Variants in PTPRD observed in about 807,000 individuals in gnomAD.
PTPRD encodes protein tyrosine phosphatase receptor type D.
A neutral mutation model predicts 214.5 loss-of-function variants in PTPRD; 34 were observed. The observed-to-expected ratio is 0.16, with a 90% CI of 0.12 to 0.21. The LOEUF is 0.21. Among genes scored for constraint, PTPRD ranks in the 10% least tolerant of loss-of-function variants. The probability of loss-of-function intolerance (pLI) is 1.00; values close to 1 mark genes in which losing one functional copy is unlikely to be tolerated. For synonymous variants in PTPRD, 1,128 were observed against 845.7 expected (o/e 1.33, Z -5.79); for missense variants, 2,545 against 2,398.7 (o/e 1.06, Z -1.27).
chr9:9,925,205 TAG>T (rs1251892987), intron 5 of PTPRD, among the ~76,000 whole-genome samples: 2 of 152,136 alleles, frequency 1.3e-5, no homozygotes, highest in African/African-American at 4.8e-5. Flanking sequence ...TATACTACTG[TAG>T]AGAGGCAGTA....
At chr9:10,390,820 T>A (rs2098046725) in intron 2 of PTPRD, among the ~76,000 whole-genome samples, 1 of 151,796 alleles carries the variant, frequency 6.6e-6, no homozygotes, top group African/African-American at 2.4e-5. Context: ...GACTTGAGCC[T>A]AAACTTATTT....
chr9:8,526,677 G>T, intron 16 of PTPRD, 33 bp from the exon 17 acceptor site: 1 of 1,562,396 alleles, frequency 6.4e-7, no homozygotes, highest in Non-Finnish European at 8.7e-7. Context: ...AATAAGATTA[G>T]AAAGAAGAAG....
At chr9:8,381,637 C>A (rs918557545) in intron 37 of PTPRD, among the ~76,000 whole-genome samples, 4 of 152,162 alleles carry the variant, frequency 2.6e-5, no homozygotes, top group Non-Finnish European at 2.9e-5. Context: ...ACCAGTGCAG[C>A]TTTTCATATA....
intron 11 of PTPRD, among the ~76,000 whole-genome samples, chr9:8,811,629 C>A: frequency 6.7e-6 from 1 of 148,526 alleles, no homozygotes; most frequent in Middle Eastern, 3.5e-3. Flanking sequence ...CAAAGATGAA[C>A]TTTTTTTTTT....
intron 11 of PTPRD, among the ~76,000 whole-genome samples, chr9:8,922,240 G>T (rs2098832815): frequency 6.6e-6 from 1 of 151,982 alleles, no homozygotes; most frequent in African/African-American, 2.4e-5. Flanking sequence ...TTTTGTTACA[G>T]AAATTTTTCT....
intron 7 of PTPRD, among the ~76,000 whole-genome samples, chr9:9,727,610 T>C (rs1266154036): frequency 3.9e-5 from 6 of 152,142 alleles, no homozygotes; most frequent in Admixed American, 2.6e-4. Context: ...TTCCTTGGAG[T>C]GTTAACAAAT....
rs568515975 is a variant in PTPRD at position 9,595,953 on chromosome 9, A to T, written c.-286-21172T>A. On this transcript the variant is annotated intron_variant, in intron 7 of 45. Transcript: ENST00000381196. Reference sequence around the variant, plus strand: ...CCGAATAACCTATGGAAATAAAAAAAAAATAAAAAATAAATTAAATATTCC... The same window carrying T: ...CCGAATAACCTATGGAAATAAAAAATAAATAAAAAATAAATTAAATATTCC... 2.0e-5 allele frequency among the ~76,000 whole-genome samples: 3 copies of T among 152,088 alleles called. No homozygotes were observed. The South Asian group carries it at 6.2e-4, about 31-fold the overall frequency.
intron 5 of PTPRD, among the ~76,000 whole-genome samples, chr9:9,928,421 C>T (rs10978092): frequency 0.024 from 3,589 of 152,116 alleles, 109 homozygotes; most frequent in East Asian, 0.19. Context: ...AGAGAGAGCA[C>T]CTTAAAAACT....
chr9:9,512,142 G>A (rs536786339), intron 8 of PTPRD, among the ~76,000 whole-genome samples: 3 of 151,806 alleles, frequency 2.0e-5, no homozygotes, highest in Admixed American at 1.3e-4. Flanking sequence ...AGGACTTGTT[G>A]AACTCATGAT....
intron 8 of PTPRD, among the ~76,000 whole-genome samples, chr9:9,480,819 C>G (rs1440476230): frequency 6.6e-6 from 1 of 152,026 alleles, no homozygotes; most frequent in African/African-American, 2.4e-5. Context: ...AATGCTAAAA[C>G]ATGTGGTACG....
At chr9:9,212,491 C>T (rs1043298592) in intron 9 of PTPRD, among the ~76,000 whole-genome samples, 1 of 152,130 alleles carries the variant, frequency 6.6e-6, no homozygotes, top group Non-Finnish European at 1.5e-5. Context: ...TTGTATATTA[C>T]TGCAAAAACA....
At chr9:8,987,225 A>C (rs1318732348) in intron 11 of PTPRD, among the ~76,000 whole-genome samples, 2 of 152,026 alleles carry the variant, frequency 1.3e-5, no homozygotes, top group African/African-American at 4.8e-5. Context: ...GACATGTTTC[A>C]CCAGATGTGA....
intron 6 of PTPRD, among the ~76,000 whole-genome samples, chr9:9,757,626 A>C (rs2098600040): frequency 6.6e-6 from 1 of 152,136 alleles, no homozygotes; most frequent in Admixed American, 6.6e-5. Context: ...TTTTTAATAT[A>C]TTAGCCACTA....
chr9:9,398,056 T>C (rs1056373624), intron 8 of PTPRD, among the ~76,000 whole-genome samples: 1 of 151,940 alleles, frequency 6.6e-6, no homozygotes, highest in African/African-American at 2.4e-5. Context: ...CTATTTTCCC[T>C]TGTACACTAG....
At chr9:8,454,499 T>C (rs1289928360) in intron 33 of PTPRD, 3 of 1,483,022 alleles carry the variant, frequency 2.0e-6, no homozygotes, top group Non-Finnish European at 2.8e-6. Flanking sequence ...AGCCCCGCCC[T>C]CCCCTCTTCA....
chr9:10,592,911 T>C lies in PTPRD; in HGVS notation c.-600+19487A>G, dbSNP rs374326760. Among the ~76,000 whole-genome samples the C allele has an allele frequency of 3.3e-5, 5 of 152,068 alleles. No homozygotes were observed. The South Asian group carries it at 8.3e-4, about 25-fold the overall frequency. ...CCACGCTAGCCCAGCAGCAGCAACC[T>C]GCTCTTGTCCCCTTCCACACTGTGG... is the stretch of plus-strand genomic sequence containing the variant. On this transcript the variant is annotated intron_variant, in intron 2 of 45. Transcript: ENST00000381196.
intron 3 of PTPRD, among the ~76,000 whole-genome samples, chr9:10,079,129 C>T (rs1458731943): frequency 6.6e-6 from 1 of 151,904 alleles, no homozygotes; most frequent in East Asian, 1.9e-4. Flanking sequence ...TCTTTTATTG[C>T]TATCCCTCCC....
intron 2 of PTPRD, among the ~76,000 whole-genome samples, chr9:10,411,255 C>T (rs544755007): frequency 1.3e-5 from 2 of 151,738 alleles, no homozygotes; most frequent in South Asian, 4.1e-4. Context: ...AATTGTATCC[C>T]AGACCAATTT....
chr9:10,040,090 G>A (rs2097267987), intron 3 of PTPRD, among the ~76,000 whole-genome samples: 1 of 152,030 alleles, frequency 6.6e-6, no homozygotes, highest in Non-Finnish European at 1.5e-5. Context: ...AATAGTGAAA[G>A]ACAGCAGCAA....
Sources: gnomAD v4.1 joint callset for allele counts (sites outside exome capture counted in the v4.1 genomes callset) on GRCh38, gnomAD v4.1.1 for gene constraint, MANE v1.5 for transcripts, NCBI Gene and HGNC (gene_info 2026-07-23, HGNC 2026-07-21) for gene names.